ZNF395: variants seen among roughly 807,000 people sequenced by gnomAD.
ZNF395 encodes the protein zinc finger protein 395.
Under a neutral mutation model 57.7 loss-of-function variants are expected in ZNF395, and 20 were observed. The observed-to-expected ratio is 0.35, with a 90% CI of 0.24 to 0.50. The LOEUF is 0.50. Among genes scored for constraint, ZNF395 ranks in the 20% least tolerant of loss-of-function variants. The pLI is 0.97. For missense variants in ZNF395, 606 were observed against 671.2 expected (o/e 0.90, Z 1.07); for synonymous variants, 295 against 275.9 (o/e 1.07, Z -0.69).
At position 28,347,847 on chromosome 8, in the gene ZNF395, C is replaced by T. The variant is rs1179424680; in HGVS notation, c.*872G>A. ...CATTTCTGAGGCGTCCTTTCAATAA[C>T]CGGAGGAAGGCGGCGTCAGGAGGGT... On this transcript the variant is annotated 3_prime_UTR_variant, in exon 10 of 10. Transcript: ENST00000344423. 1 of 152,232 alleles carries T rather than the reference C, an allele frequency of 6.6e-6. No homozygotes were observed. The highest frequency in any genetic ancestry group is 2.4e-5 in the African/African-American group (1 of 41,452). The allele number at this position is 152,232 out of a possible 1,614,324, so 9.4% of individuals were successfully genotyped here. A position where few individuals can be genotyped will look rare whatever the true frequency, so the allele number is the denominator to read the frequency against.
rs1271310427 is a variant in ZNF395, at chr8:28,352,565, G to A, written c.920+8C>T. 7 of 1,613,116 alleles carry A rather than the reference G, an allele frequency of 4.3e-6. No individual in the cohort carries two copies. Among genetic ancestry groups the A allele is most frequent in the East Asian group, 2.2e-5 (1 of 44,868 alleles). On this transcript the variant is annotated splice_region_variant and intron_variant, in intron 6 of 9. Coordinates refer to ENST00000344423, the MANE Select transcript of ZNF395 (RefSeq NM_018660.3). The surrounding 1 kb of genome is among the most constrained non-coding windows in gnomAD (Gnocchi z 4.0). ...ACCCTAGGCTAGAGGCCCTGGGCTC[G>A]CACATACCCCAGATGGAGGGCTTTG... is the stretch of plus-strand genomic sequence containing the variant.
At chr8:28,361,255 G>A in intron 1 of ZNF395, 73 bp from the exon 2 acceptor site, 2 of 1,291,336 alleles carry the variant, frequency 1.5e-6, no homozygotes, top group Non-Finnish European at 2.1e-6. Context: ...TAAAATAAGT[G>A]AACCCTTTAA....
At chr8:28,378,750 C>T (rs755952792) in intron 1 of ZNF395, among the ~76,000 whole-genome samples, 26 of 152,156 alleles carry the variant, frequency 1.7e-4, no homozygotes, top group Non-Finnish European at 3.5e-4. Flanking sequence ...TTGGAAGAGA[C>T]TTTGGAGGTC....
rs976600702 is a variant in ZNF395, at chr8:28,351,018, C to G, written c.1233+477G>C. 5.3e-5 allele frequency among the ~76,000 whole-genome samples: 8 copies of G among 152,232 alleles called. 1 individual carries two copies. Among genetic ancestry groups the G allele is most frequent in the Admixed American group, 3.3e-4 (5 of 15,282 alleles). ...TAACCATAGTTACATATTCATTTCT[C>G]TCTCAATCTGAACCATGCCCTCCAC... is the stretch of plus-strand genomic sequence containing the variant. On this transcript the variant is annotated intron_variant, in intron 7 of 9. Transcript: ENST00000344423.
intron 1 of ZNF395, among the ~76,000 whole-genome samples, chr8:28,378,825 A>G (rs1198039072): frequency 6.6e-6 from 1 of 152,188 alleles, no homozygotes; most frequent in Non-Finnish European, 1.5e-5. Context: ...CTACTTGAAT[A>G]CCGCCAACAG....
At chr8:28,369,529 C>G (rs1449634903) in intron 1 of ZNF395, among the ~76,000 whole-genome samples, 3 of 152,248 alleles carry the variant, frequency 2.0e-5, no homozygotes, top group African/African-American at 7.2e-5. Context: ...CTAAGTCAGA[C>G]TGCTCTGGCC....
chr8:28,347,189 G>A lies in ZNF395; in HGVS notation c.*1530C>T, dbSNP rs1801614407. ...AAATATCTTCACCCAGGACTGGGAG[G>A]GCGGCCTCGATGACAACCAAGGGGT... On this transcript the variant is annotated 3_prime_UTR_variant, in exon 10 of 10. Transcript: ENST00000344423. 1 of 152,132 alleles carries A rather than the reference G, an allele frequency of 6.6e-6. No homozygotes were observed. The highest frequency in any genetic ancestry group is 1.5e-5 in the Non-Finnish European group (1 of 68,058). The allele number at this position is 152,132 out of a possible 1,614,324, so 9.4% of individuals were successfully genotyped here.
chr8:28,359,110 C>T lies in ZNF395; in HGVS notation c.473+482G>A, dbSNP rs1361986008. ...TAGAGCTATGGAAAAGAAAAGACGC[C>T]ACTCGGCCAGGCATGGTGGCTCAAA... On this transcript the variant is annotated intron_variant, in intron 3 of 9. Transcript: ENST00000344423. This position sits in a 1 kb window ranked among gnomAD's most constrained non-coding sequence, Gnocchi z 4.7. Among the ~76,000 whole-genome samples, 1 of 152,110 alleles carries T rather than the reference C, an allele frequency of 6.6e-6. No individual in the cohort carries two copies. Among genetic ancestry groups the T allele is most frequent in the Non-Finnish European group, 1.5e-5 (1 of 68,020 alleles).
At chr8:28,369,772 C>T (rs929784388) in intron 1 of ZNF395, among the ~76,000 whole-genome samples, 3 of 152,226 alleles carry the variant, frequency 2.0e-5, no homozygotes, top group Non-Finnish European at 4.4e-5. Context: ...CCGGAACCCC[C>T]GGGAAAGGGC....
chr8:28,360,339 A>G (rs1043705131), intron 2 of ZNF395, among the ~76,000 whole-genome samples: 3 of 152,212 alleles, frequency 2.0e-5, no homozygotes, highest in Admixed American at 2.0e-4. Context: ...CCAGAGGTAG[A>G]GTCCTCATTT....
intron 1 of ZNF395, among the ~76,000 whole-genome samples, chr8:28,373,263 G>T (rs111247023): frequency 0.011 from 1,603 of 152,300 alleles, 22 homozygotes; most frequent in Middle Eastern, 0.048. Flanking sequence ...CTTCGGGAAG[G>T]GCACAGCCAC....
At chr8:28,377,748 CTTTT>C (rs71549661) in intron 1 of ZNF395, among the ~76,000 whole-genome samples, 2 of 100,634 alleles carry the variant, frequency 2.0e-5, no homozygotes, top group Non-Finnish European at 3.7e-5. Context: ...GATGATCCCA[CTTTT>C]TTTTTTTTTT....
intron 8 of ZNF395, 32 bp downstream of exon 8, chr8:28,350,032 C>A (rs748825288): frequency 1.3e-6 from 2 of 1,544,660 alleles, no homozygotes; most frequent in Non-Finnish European, 8.7e-7. Context: ...CTCGGCCATA[C>A]GAGGCCCCAG....
intron 3 of ZNF395, among the ~76,000 whole-genome samples, chr8:28,357,556 CA>C: frequency 6.6e-6 from 1 of 152,206 alleles, no homozygotes; most frequent in Non-Finnish European, 1.5e-5. Flanking sequence ...TGGTCTGTTT[CA>C]AAAAGCTGTC....
intron 1 of ZNF395, among the ~76,000 whole-genome samples, chr8:28,366,540 T>G (rs754245450): frequency 6.6e-6 from 1 of 151,346 alleles, no homozygotes; most frequent in African/African-American, 2.4e-5. Flanking sequence ...CAGTGAATGT[T>G]TGCATCTCTT....
At chr8:28,350,288 G>A (rs969510481) in intron 7 of ZNF395, 132 bp from the exon 8 acceptor site, 4 of 738,592 alleles carry the variant, frequency 5.4e-6, no homozygotes, top group Non-Finnish European at 8.9e-6. Flanking sequence ...AAAGAGCTGG[G>A]ACACACTCGG....
At chr8:28,370,101 G>C (rs1801959274) in intron 1 of ZNF395, among the ~76,000 whole-genome samples, 1 of 152,186 alleles carries the variant, frequency 6.6e-6, no homozygotes, top group Non-Finnish European at 1.5e-5. Context: ...TTTTTAAAAA[G>C]GGGGTTTTTA....
At position 28,348,745 on chromosome 8, in the gene ZNF395, T is replaced by C; in HGVS notation, c.1516A>G (p.Lys506Glu). 6.2e-7 allele frequency: 1 copy of C among 1,614,074 alleles called. No individual in the cohort carries two copies. Among genetic ancestry groups the C allele is most frequent in the Non-Finnish European group, 8.5e-7 (1 of 1,180,014 alleles). Residue 506 changes from lysine to glutamate, a missense_variant, in exon 10 of 10, where the codon AAG (lysine) becomes GAG (glutamate). Transcript: ENST00000344423. ...DQWCTACRWK[K>E]ACQRFLD ...CAGTCCAGAAAGCGCTGGCAGGCCT[T>C]CTTCCACCGGCAGGCCGTGCACCAC...
intron 1 of ZNF395, among the ~76,000 whole-genome samples, chr8:28,363,139 T>TG (rs1554519812): frequency 6.6e-6 from 1 of 151,960 alleles, no homozygotes; most frequent in South Asian, 2.1e-4. Context: ...GGGTTTTTTT[T>TG]TTTGTTTTTT....
Sources: allele counts gnomAD v4.1 joint callset (sites outside exome capture counted in the v4.1 genomes callset), GRCh38; gene constraint gnomAD v4.1.1; non-coding constraint Gnocchi (gnomAD v3.1); transcripts MANE v1.5; gene names NCBI Gene and HGNC (gene_info 2026-07-23, HGNC 2026-07-21).